The following FANCL variants were observed in gnomAD, a reference collection of about 807,000 sequenced individuals.
The protein encoded by FANCL is E3 ubiquitin-protein ligase FANCL.
In FANCL, 69 loss-of-function variants were observed where a neutral mutation model predicts 59.4. That is an observed-to-expected ratio of 1.16 (90% confidence interval 0.96 to 1.42). The LOEUF is 1.42. Ranked by LOEUF, FANCL falls within the 40% of genes most tolerant of loss-of-function variation. The pLI is 0.00. For missense variants in FANCL, 519 were observed against 447.2 expected (o/e 1.16, Z -1.45); for synonymous variants, 180 against 147.1 (o/e 1.22, Z -1.62).
chr2:58,182,722 A>C (rs751096663), intron 7 of FANCL, among the ~76,000 whole-genome samples: 1 of 151,800 alleles, frequency 6.6e-6, no homozygotes, highest in Non-Finnish European at 1.5e-5. Flanking sequence ...TAAGTAAACA[A>C]ATATTACATA....
chr2:58,195,316 T>A (rs1032698568), intron 7 of FANCL, among the ~76,000 whole-genome samples: 1 of 152,152 alleles, frequency 6.6e-6, no homozygotes, highest in South Asian at 2.1e-4. Flanking sequence ...CAGAATCTTA[T>A]AGGTAAATGA....
Position 58,219,003 on chromosome 2 carries a change from A to AC in FANCL, c.374+2938dup, listed in dbSNP as rs562064230. Among the ~76,000 whole-genome samples, 445 of 151,228 alleles carry AC rather than the reference A, an allele frequency of 2.9e-3. 3 individuals are homozygous for AC. The highest frequency in any genetic ancestry group is 5.3e-3 in the Non-Finnish European group (362 of 67,722). Reference sequence around the variant, plus strand: ...CAACAACACACCAATAGCAACAAGCACCCATAGTGCCCACATCCTAGTTTC... The same window carrying AC: ...CAACAACACACCAATAGCAACAAGCACCCCATAGTGCCCACATCCTAGTTTC... On this transcript the variant is annotated intron_variant, in intron 5 of 13. Coordinates refer to ENST00000233741, the MANE Select transcript of FANCL (RefSeq NM_018062.4).
At chr2:58,164,945 A>T (rs1685734875) in intron 8 of FANCL, among the ~76,000 whole-genome samples, 1 of 152,128 alleles carries the variant, frequency 6.6e-6, no homozygotes, top group African/African-American at 2.4e-5. Flanking sequence ...GGTATAAAGT[A>T]TAAAAATTGC....
At chr2:58,186,125 G>A (rs535273352) in intron 7 of FANCL, among the ~76,000 whole-genome samples, 29 of 152,242 alleles carry the variant, frequency 1.9e-4, no homozygotes, top group African/African-American at 6.7e-4. Context: ...GAAATAATTT[G>A]AGAGAAGCCT....
At chr2:58,219,171 A>AATATATATATATAT (rs869094167) in intron 5 of FANCL, among the ~76,000 whole-genome samples, 10 of 19,254 alleles carry the variant, frequency 5.2e-4, no homozygotes, top group African/African-American at 2.6e-3. Flanking sequence ...AAAAAAAAAA[A>AATATATATATATAT]ATATATATAT....
intron 6 of FANCL, among the ~76,000 whole-genome samples, chr2:58,199,944 C>G (rs1266505013): frequency 6.6e-6 from 1 of 151,758 alleles, no homozygotes; most frequent in African/African-American, 2.4e-5. Context: ...GAAATCAACA[C>G]TTTCAAAAAA....
Position 58,162,852 on chromosome 2 carries a change from C to T in FANCL, c.903+14G>A, listed in dbSNP as rs1186009937. The T allele has an allele frequency of 6.2e-7, 1 of 1,603,086 alleles. No individual in the cohort carries two copies. The highest frequency in any genetic ancestry group is 8.5e-7 in the Non-Finnish European group (1 of 1,171,078). ...CAATACTGTCTGGAATATCAAAACACTGATAAAACTTACAGATTTTTCCAG... is the reference window on the plus strand; with the variant it reads ...CAATACTGTCTGGAATATCAAAACATTGATAAAACTTACAGATTTTTCCAG... On this transcript the variant is annotated intron_variant, in intron 11 of 13. Transcript: ENST00000233741.
chr2:58,182,982 A>G (rs1688069745), intron 7 of FANCL, among the ~76,000 whole-genome samples: 1 of 151,826 alleles, frequency 6.6e-6, no homozygotes, highest in Non-Finnish European at 1.5e-5. Flanking sequence ...TAATCCTCAC[A>G]AGATCCGAGT....
chr2:58,221,891 T>G (rs1169722790), intron 5 of FANCL, 51 bp downstream of exon 5: 2 of 1,313,814 alleles, frequency 1.5e-6, no homozygotes. Context: ...ATACATTAAG[T>G]TAAAATATAT....
Position 58,165,787 on chromosome 2 carries a change from TCTC to T in FANCL, c.625_627del (p.Glu209del), listed in dbSNP as rs1348381378. On this transcript the variant is annotated inframe_deletion, in exon 8 of 14. Coordinates refer to ENST00000233741, the MANE Select transcript of FANCL (RefSeq NM_018062.4). Reference sequence around the variant, plus strand: ...TTTTCTGGCTCAAGTACCCAGGTCTTCTCATCGATTTCATCCATAACATCCCAG... The same window carrying T: ...TTTTCTGGCTCAAGTACCCAGGTCTTATCGATTTCATCCATAACATCCCAG... The T allele has an allele frequency of 1.2e-6, 2 of 1,614,138 alleles. No individual in the cohort carries two copies. The highest frequency in any genetic ancestry group is 1.7e-6 in the Non-Finnish European group (2 of 1,180,000).
chr2:58,227,069 CTGAA>C (rs1373708129), intron 3 of FANCL, among the ~76,000 whole-genome samples: 1 of 152,194 alleles, frequency 6.6e-6, no homozygotes, highest in Non-Finnish European at 1.5e-5. Flanking sequence ...CTGTTTACTA[CTGAA>C]TCCCTTGTCC....
At chr2:58,240,971 A>G (rs1694478286) in intron 1 of FANCL, among the ~76,000 whole-genome samples, 1 of 152,136 alleles carries the variant, frequency 6.6e-6, no homozygotes, top group East Asian at 1.9e-4. Context: ...GGCTAGGGAG[A>G]GAGGAGGCGT....
At chr2:58,184,141 T>C (rs1055256160) in intron 7 of FANCL, among the ~76,000 whole-genome samples, 28 of 152,200 alleles carry the variant, frequency 1.8e-4, no homozygotes, top group African/African-American at 6.7e-4. Flanking sequence ...ATCTCATTTA[T>C]TACCAATTCT....
intron 1 of FANCL, among the ~76,000 whole-genome samples, chr2:58,233,694 GAAA>G (rs747082749): frequency 5.9e-5 from 9 of 151,400 alleles, no homozygotes; most frequent in Non-Finnish European, 1.2e-4. Context: ...GGAAGGTCAG[GAAA>G]AAAAATGCAT....
At chr2:58,161,674 TCTCA>T (rs745754597) in intron 11 of FANCL, 36 bp from the exon 12 acceptor site, 3 of 1,340,330 alleles carry the variant, frequency 2.2e-6, no homozygotes, top group South Asian at 1.2e-5. Flanking sequence ...AGCGTATGTG[TCTCA>T]CTAACTTATT....
At chr2:58,191,537 G>A (rs1269839029) in intron 7 of FANCL, among the ~76,000 whole-genome samples, 1 of 151,794 alleles carries the variant, frequency 6.6e-6, no homozygotes, top group Non-Finnish European at 1.5e-5. Flanking sequence ...CCACATCCAC[G>A]TAGCCTGGTG....
chr2:58,213,415 T>C (rs1691378803), intron 5 of FANCL: 1 of 152,180 alleles, frequency 6.6e-6, no homozygotes, highest in South Asian at 2.1e-4. Flanking sequence ...ATAAAGTTGA[T>C]AGGTTTTGTC....
chr2:58,216,573 T>C (rs910134899), intron 5 of FANCL, among the ~76,000 whole-genome samples: 4 of 152,156 alleles, frequency 2.6e-5, no homozygotes, highest in Non-Finnish European at 5.9e-5. Flanking sequence ...TTTACATTTT[T>C]TGTTACAGAA....
At chr2:58,211,108 C>T (rs754412490) in intron 5 of FANCL, among the ~76,000 whole-genome samples, 5 of 152,286 alleles carry the variant, frequency 3.3e-5, no homozygotes, top group South Asian at 2.1e-4. Flanking sequence ...ACTTCCCTTC[C>T]GCATTGTCCT....
Sources: gnomAD v4.1 joint callset for allele counts (sites outside exome capture counted in the v4.1 genomes callset) on GRCh38, gnomAD v4.1.1 for gene constraint, MANE v1.5 for transcripts, NCBI Gene and HGNC (gene_info 2026-07-23, HGNC 2026-07-21) for gene names.